ADGRL3: variants seen among roughly 807,000 people sequenced by gnomAD.
ADGRL3 encodes the protein calcium-independent alpha-latrotoxin receptor 3.
In ADGRL3, 62 loss-of-function variants were observed where a neutral mutation model predicts 153.5. The ratio of observed to expected loss-of-function variants is 0.40; its 90% CI spans 0.33 to 0.50. The LOEUF (loss-of-function observed/expected upper bound fraction) is 0.50. ADGRL3 is among the 20% of genes least tolerant of loss of function. ADGRL3 has a pLI of 0.47. For synonymous variants in ADGRL3, 710 were observed against 672.5 expected (o/e 1.06, Z -0.86); for missense variants, 1,641 against 1,859.4 (o/e 0.88, Z 2.16).
chr4:61,288,543 A>G lies in ADGRL3; in HGVS notation c.-240+86778A>G, dbSNP rs572422707. The stretch of plus-strand genomic sequence containing the variant: ...AGTGAATTGAATAAATGGTTTTCAG[A>G]AGTCTTCAAGCACTCTATTTATATA... On this transcript the variant is annotated intron_variant, in intron 1 of 26. Transcript: ENST00000683033. 2.0e-5 allele frequency among the ~76,000 whole-genome samples: 3 copies of G among 152,120 alleles called. No individual in the cohort carries two copies. In the South Asian group the frequency reaches 6.2e-4, roughly 32 times the overall value.
chr4:61,480,789 A>C (rs2098124222), intron 2 of ADGRL3, among the ~76,000 whole-genome samples: 2 of 152,044 alleles, frequency 1.3e-5, no homozygotes, highest in South Asian at 4.2e-4. Context: ...TCTCAAAATA[A>C]ATAAATAAAT....
chr4:61,411,087 C>A (rs1242259203), intron 2 of ADGRL3, among the ~76,000 whole-genome samples: 2 of 152,080 alleles, frequency 1.3e-5, no homozygotes, highest in Admixed American at 1.3e-4. Flanking sequence ...GAGTATGGAG[C>A]CTCATGCAAC....
intron 2 of ADGRL3, among the ~76,000 whole-genome samples, chr4:61,490,347 C>T (rs191641440): frequency 6.6e-6 from 1 of 152,002 alleles, no homozygotes; most frequent in East Asian, 1.9e-4. Context: ...TTGTTTCCTT[C>T]TCTTCCTCAT....
At chr4:61,882,343 C>T (rs1230422762) in intron 9 of ADGRL3, among the ~76,000 whole-genome samples, 1 of 152,174 alleles carries the variant, frequency 6.6e-6, no homozygotes, top group Non-Finnish European at 1.5e-5. Context: ...CGCCACGTGT[C>T]TTACACCCCC....
chr4:61,424,196 T>C (rs893876608), intron 2 of ADGRL3, among the ~76,000 whole-genome samples: 1 of 152,058 alleles, frequency 6.6e-6, no homozygotes, highest in Admixed American at 6.6e-5. Context: ...CAGAGTCAGG[T>C]GATGAGCCGA....
intron 1 of ADGRL3, among the ~76,000 whole-genome samples, chr4:61,290,681 A>AGGAAGGAGGGAAGGAG (rs1286147246): frequency 2.7e-5 from 4 of 149,890 alleles, no homozygotes; most frequent in East Asian, 4.0e-4. Context: ...GAAGGAAGGA[A>AGGAAGGAGGGAAGGAG]GGAAGGAGGG....
At chr4:61,945,717 C>G (rs1171658599) in intron 15 of ADGRL3, among the ~76,000 whole-genome samples, 1 of 151,120 alleles carries the variant, frequency 6.6e-6, no homozygotes, top group Non-Finnish European at 1.5e-5. Context: ...GTCCGTCACC[C>G]CTTTCTTTGA....
At chr4:62,019,060 A>C (rs1161377248) in intron 21 of ADGRL3, among the ~76,000 whole-genome samples, 3 of 152,184 alleles carry the variant, frequency 2.0e-5, no homozygotes, top group Non-Finnish European at 4.4e-5. Flanking sequence ...TGGATTTGTA[A>C]TCAAAATGGT....
intron 9 of ADGRL3, among the ~76,000 whole-genome samples, chr4:61,828,255 C>CTTGT (rs1246085837): frequency 6.6e-6 from 1 of 152,074 alleles, no homozygotes; most frequent in Admixed American, 6.6e-5. Flanking sequence ...TTAGGGCATA[C>CTTGT]TTGTTTGTTT....
At chr4:61,832,577 A>G (rs1438873875) in intron 9 of ADGRL3, among the ~76,000 whole-genome samples, 1 of 152,170 alleles carries the variant, frequency 6.6e-6, no homozygotes, top group East Asian at 1.9e-4. Context: ...AGCATGCCAA[A>G]GCACCATATT....
intron 1 of ADGRL3, among the ~76,000 whole-genome samples, chr4:61,253,706 CACACACAT>C (rs1431769072): frequency 7.1e-5 from 10 of 141,248 alleles, no homozygotes; most frequent in South Asian, 2.2e-4. Context: ...CACACACACA[CACACACAT>C]ATATACATAT....
chr4:61,460,375 A>G (rs1434168605), intron 2 of ADGRL3, among the ~76,000 whole-genome samples: 1 of 152,100 alleles, frequency 6.6e-6, no homozygotes, highest in East Asian at 1.9e-4. Flanking sequence ...CATAAAAGGG[A>G]ATGAAATTCT....
rs555146609 is a variant in ADGRL3 at position 61,682,910 on chromosome 4, A to G, written c.583+5975A>G. 2.6e-5 allele frequency among the ~76,000 whole-genome samples: 4 copies of G among 152,270 alleles called. No individual in the cohort carries two copies. The South Asian group carries it at 8.3e-4, about 32-fold the overall frequency. The stretch of plus-strand genomic sequence containing the variant: ...AATATTAGGGGTCAAAAACCAAGAT[A>G]AAGATTCTGTCGTCCTTCAAGGAGT... On this transcript the variant is annotated intron_variant, in intron 6 of 26. Transcript: ENST00000683033.
chr4:61,901,699 T>C (rs998690195), intron 11 of ADGRL3, among the ~76,000 whole-genome samples: 1 of 152,194 alleles, frequency 6.6e-6, no homozygotes, highest in Non-Finnish European at 1.5e-5. Context: ...GTGGTTGATA[T>C]GATAAAATCT....
In ADGRL3 at chr4:61,200,687, C is replaced by T. The variant is rs1577831673; in HGVS notation, c.-1318C>T. 6.6e-6 allele frequency among the ~76,000 whole-genome samples: 1 copy of T among 152,024 alleles called. No homozygotes were observed. The highest frequency in any genetic ancestry group is 2.0e-4 in the East Asian group (1 of 5,116). ...GCGCGGGTTGCACGGTTTGCTTTGG[C>T]AGGAGCTCGCTCGTGTGTGCGCGTG... On this transcript the variant is annotated 5_prime_UTR_variant, in exon 1 of 27. Coordinates refer to ENST00000683033, the MANE Select transcript of ADGRL3 (RefSeq NM_001387552.1).
chr4:61,263,412 G>A (rs2092663882), intron 1 of ADGRL3, among the ~76,000 whole-genome samples: 1 of 148,498 alleles, frequency 6.7e-6, no homozygotes, highest in South Asian at 2.3e-4. Context: ...AGTATGAGCT[G>A]TAATTGAATG....
chr4:61,548,281 T>A (rs1360998320), intron 4 of ADGRL3, among the ~76,000 whole-genome samples: 2 of 152,164 alleles, frequency 1.3e-5, no homozygotes, highest in East Asian at 3.9e-4. Flanking sequence ...CTCTTTAGTT[T>A]AATTAGGTAC....
intron 19 of ADGRL3, among the ~76,000 whole-genome samples, chr4:61,987,633 A>C (rs2150935992): frequency 6.6e-6 from 1 of 152,332 alleles, no homozygotes; most frequent in Non-Finnish European, 1.5e-5. Context: ...TCCACAGCCT[A>C]TAATAAAGTG....
At chr4:62,006,023 TATATA>T (rs1241030854) in intron 21 of ADGRL3, among the ~76,000 whole-genome samples, 8 of 104,338 alleles carry the variant, frequency 7.7e-5, no homozygotes, top group African/African-American at 2.8e-4. Context: ...TATATATATA[TATATA>T]TATATTTTTT....
Sources: allele counts gnomAD v4.1 joint callset (sites outside exome capture counted in the v4.1 genomes callset), GRCh38; gene constraint gnomAD v4.1.1; transcripts MANE v1.5; gene names NCBI Gene and HGNC (gene_info 2026-07-23, HGNC 2026-07-21).